The following DYDC1 variants were observed in gnomAD, a reference collection of about 807,000 sequenced individuals.
DYDC1 encodes the protein DPY30 domain-containing protein 1.
A neutral mutation model predicts 27.9 loss-of-function variants in DYDC1; 21 were observed. The observed-to-expected ratio is 0.75, with a 90% CI of 0.53 to 1.08. The LOEUF is 1.08. DYDC1 is among the 50% of genes least tolerant of loss of function. The pLI is 0.00. For synonymous variants in DYDC1, 67 were observed against 65.8 expected, an observed-to-expected ratio of 1.02 and a Z score of -0.09; for missense variants, 202 against 205.9, an observed-to-expected ratio of 0.98 and a Z score of 0.12.
At chr10:80,336,440 G>T in intron 6 of DYDC1, 2 of 779,526 alleles carry the variant, frequency 2.6e-6, no homozygotes, top group Non-Finnish European at 3.1e-6. Flanking sequence ...TCTTCCTGTG[G>T]CCATCCCTTC....
chr10:80,340,641 G>A (rs971889500), intron 4 of DYDC1, among the ~76,000 whole-genome samples: 1 of 152,054 alleles, frequency 6.6e-6, no homozygotes, highest in Admixed American at 6.5e-5. Context: ...TTCTTGATAT[G>A]TTCCTGTATT....
chr10:80,348,193 C>T lies in DYDC1; in HGVS notation c.249+3708G>A, dbSNP rs115601250. ...ACCTCCTTGGTTACATTTATTCCTA[C>T]GTATATTATTCTTTTTGAAGCTATT... On this transcript the variant is annotated intron_variant, in intron 3 of 6. Transcript: ENST00000372202. Among the ~76,000 whole-genome samples, 1,323 of 152,184 alleles carry T rather than the reference C, an allele frequency of 8.7e-3. 19 individuals carry two copies. Among genetic ancestry groups the T allele is most frequent in the African/African-American group, 0.031 (1,268 of 41,504 alleles).
chr10:80,345,946 A>T (rs897698860), intron 3 of DYDC1, among the ~76,000 whole-genome samples: 4 of 151,976 alleles, frequency 2.6e-5, no homozygotes, highest in Non-Finnish European at 5.9e-5. Context: ...GGCTCAATTA[A>T]TCCTCCCACC....
chr10:80,339,505 CA>C (rs1842246439), intron 4 of DYDC1, among the ~76,000 whole-genome samples: 5 of 151,696 alleles, frequency 3.3e-5, no homozygotes, highest in African/African-American at 1.2e-4. Context: ...AGGAGAAAAC[CA>C]CACTTAAGTA....
intron 6 of DYDC1, chr10:80,337,015 C>T (rs528665599): frequency 1.7e-6 from 1 of 606,058 alleles, no homozygotes; most frequent in Non-Finnish European, 2.1e-6. Flanking sequence ...AGGCAACATA[C>T]AAGACCCAGT....
chr10:80,356,607 C>T (rs1445893145), intron 1 of DYDC1, 105 bp downstream of exon 1: 3 of 985,398 alleles, frequency 3.0e-6, no homozygotes, highest in Admixed American at 6.1e-5. Flanking sequence ...GTGAGTCCTG[C>T]TCGACGCCCA....
intron 1 of DYDC1, among the ~76,000 whole-genome samples, chr10:80,353,668 A>G (rs892883431): frequency 6.7e-5 from 10 of 150,182 alleles, no homozygotes; most frequent in African/African-American, 2.2e-4. Flanking sequence ...TGGCTAACGG[A>G]TCTCCTTCAT....
At chr10:80,351,317 C>T (rs1316745552) in intron 3 of DYDC1, among the ~76,000 whole-genome samples, 1 of 152,168 alleles carries the variant, frequency 6.6e-6, no homozygotes, top group Non-Finnish European at 1.5e-5. Flanking sequence ...CTCTCATCTC[C>T]ATGGTGAGCT....
intron 3 of DYDC1, among the ~76,000 whole-genome samples, chr10:80,346,978 G>A (rs933951338): frequency 6.6e-6 from 1 of 152,030 alleles, no homozygotes; most frequent in Non-Finnish European, 1.5e-5. Context: ...TACTCAGGAG[G>A]CTGAGGCAGG....
Position 80,336,145 on chromosome 10 carries a change from G to A in DYDC1, c.*11C>T. On this transcript the variant is annotated 3_prime_UTR_variant, in exon 7 of 7. Coordinates refer to ENST00000372202, the MANE Select transcript of DYDC1 (RefSeq NM_001269053.2). ...AAACAAAAACATTTATTGCTCTTAG[G>A]TTGGTTGGTCCTACAAATCTTGATC... is the stretch of plus-strand genomic sequence containing the variant. 2.8e-6 allele frequency: 4 copies of A among 1,436,934 alleles called. No homozygotes were observed. Among genetic ancestry groups the A allele is most frequent in the Non-Finnish European group, 1.9e-6 (2 of 1,037,462 alleles). The allele number at this position is 1,436,934 out of a possible 1,614,324, so 89.0% of individuals were successfully genotyped here.
chr10:80,351,928 G>C lies in DYDC1; in HGVS notation c.222C>G (p.Leu74=), dbSNP rs759371906. The C allele has an allele frequency of 6.2e-7, 1 of 1,614,088 alleles. No homozygotes were observed. The change falls in exon 3 of 7, where the codon CTC becomes CTG. Residue 74 remains leucine, a synonymous_variant. Transcript: ENST00000372202. The part of the protein sequence containing the change: ...ALMEQEMMER[L]KAEELLLQQQ... ...GCTGAAGTAAGAGCTCCTCTGCTTT[G>C]AGCCTCTCCATCATTTCCTGCTCCA...
At chr10:80,346,463 T>TTTTTTTTTTC in intron 3 of DYDC1, among the ~76,000 whole-genome samples, 1 of 130,764 alleles carries the variant, frequency 7.6e-6, no homozygotes. Context: ...TTTTTTTTTT[T>TTTTTTTTTTC]TTTTTTTTCT....
rs1484212910 is a variant in DYDC1 at position 80,342,328 on chromosome 10, G to A, written c.283C>T (p.Gln95Ter). 6.2e-7 allele frequency: 1 copy of A among 1,613,596 alleles called. No homozygotes were observed. Among genetic ancestry groups the A allele is most frequent in the Non-Finnish European group, 8.5e-7 (1 of 1,179,944 alleles). Residue 95 changes from glutamine (Q) to a stop codon, truncating the protein, a stop_gained, in exon 4 of 7, where the codon CAA becomes TAA. Transcript: ENST00000372202. LOFTEE classifies it high-confidence loss of function. The stretch of plus-strand genomic sequence containing the variant: ...TGTATTCTCTGCCTCTCCTTTTCTT[G>A]CATTTCCAACTCTAGCTGCAATGCC... ...QLALQLELEM[Q>*]EKERQRIQEL... is the part of the protein sequence containing the mutation.
At chr10:80,347,292 T>TC in intron 3 of DYDC1, among the ~76,000 whole-genome samples, 2 of 145,472 alleles carry the variant, frequency 1.4e-5, no homozygotes, top group African/African-American at 5.1e-5. Context: ...TTTTTTTTTT[T>TC]TTTTTTTTTT....
At chr10:80,354,165 G>A (rs985736761) in intron 1 of DYDC1, among the ~76,000 whole-genome samples, 7 of 149,856 alleles carry the variant, frequency 4.7e-5, no homozygotes, top group Non-Finnish European at 1.0e-4. Flanking sequence ...AGAATCTGAT[G>A]AAATGTAATC....
At chr10:80,343,268 C>T (rs1842411724) in intron 3 of DYDC1, among the ~76,000 whole-genome samples, 1 of 152,060 alleles carries the variant, frequency 6.6e-6, no homozygotes, top group Non-Finnish European at 1.5e-5. Flanking sequence ...TGAAACACAG[C>T]CATGCTAATT....
rs1352525434 is a variant in DYDC1, at chr10:80,341,437, T to A, written c.342+832A>T. 3.5e-5 allele frequency among the ~76,000 whole-genome samples: 4 copies of A among 112,952 alleles called. No homozygotes were observed. The Admixed American group carries it at 3.8e-4, about 11-fold the overall frequency. The allele number at this position is 112,952 out of a possible 152,430, so 74.1% of individuals were successfully genotyped here. ...CAGCCTGGGTGACAGAGTGAGACTC[T>A]GTCTCAAAAAAAAAAAAAAAAAAAA... On this transcript the variant is annotated intron_variant, in intron 4 of 6. Coordinates refer to ENST00000372202, the MANE Select transcript of DYDC1 (RefSeq NM_001269053.2).
At chr10:80,348,144 C>T (rs1842779629) in intron 3 of DYDC1, among the ~76,000 whole-genome samples, 1 of 152,146 alleles carries the variant, frequency 6.6e-6, no homozygotes, top group Non-Finnish European at 1.5e-5. Flanking sequence ...TAGTGTTTTA[C>T]AGTTTTCAAG....
chr10:80,349,192 G>A (rs1294363867), intron 3 of DYDC1, among the ~76,000 whole-genome samples: 2 of 152,142 alleles, frequency 1.3e-5, no homozygotes, highest in South Asian at 2.1e-4. Context: ...CGCCCGGCCC[G>A]CAGATAAATA....
Sources: gnomAD v4.1 joint callset for allele counts (sites outside exome capture counted in the v4.1 genomes callset) on GRCh38, gnomAD v4.1.1 for gene constraint, MANE v1.5 for transcripts, NCBI Gene and HGNC (gene_info 2026-07-23, HGNC 2026-07-21) for gene names.